The following PLRG1 variants were observed in gnomAD, a reference collection of about 807,000 sequenced individuals.
PLRG1 encodes the protein pleiotropic regulator 1.
Under a neutral mutation model 74.9 loss-of-function variants are expected in PLRG1, and 28 were observed. The observed-to-expected ratio is 0.37, with a 90% CI of 0.28 to 0.51. PLRG1 has a LOEUF of 0.51. Among genes scored for constraint, PLRG1 ranks in the 20% least tolerant of loss-of-function variants. PLRG1 has a pLI of 0.91. For missense variants in PLRG1, 445 were observed against 631.9 expected, an observed-to-expected ratio of 0.70 and a Z score of 3.17; for synonymous variants, 197 against 212.4, an observed-to-expected ratio of 0.93 and a Z score of 0.63.
Position 154,550,390 on chromosome 4 carries a change from C to T in PLRG1, c.-82G>A, listed in dbSNP as rs1729744395. ...ACCCGCCGCCACAGCTGTGCAGCAC[C>T]TTCCGGAATTGGGCGCCCAGGCGGC... is the stretch of plus-strand genomic sequence containing the variant. On this transcript the variant is annotated 5_prime_UTR_variant, in exon 1 of 15. Coordinates refer to ENST00000499023, the MANE Select transcript of PLRG1 (RefSeq NM_002669.4). 1 of 1,392,740 alleles carries T rather than the reference C, an allele frequency of 7.2e-7. No homozygotes were observed. The highest frequency in any genetic ancestry group is 1.4e-5 in the African/African-American group (1 of 69,658). The allele number at this position is 1,392,740 out of a possible 1,614,324, so 86.3% of individuals were successfully genotyped here.
rs143025061 is a variant in PLRG1 at position 154,535,936 on chromosome 4, A to G, written c.*749T>C. 2 of 152,218 alleles carry G rather than the reference A, an allele frequency of 1.3e-5. No individual in the cohort carries two copies. The highest frequency in any genetic ancestry group is 4.8e-5 in the African/African-American group (2 of 41,428). 9.4% of individuals were successfully genotyped at this position (152,218 alleles called of 1,614,324 possible). A position where few individuals can be genotyped will look rare whatever the true frequency, so the allele number is the denominator to read the frequency against. On this transcript the variant is annotated 3_prime_UTR_variant, in exon 15 of 15. Transcript: ENST00000499023. ...CAGAACATTCTTTGTCCCAGAACAC[A>G]CCGCACACTTTCTTGTGCCTGGTTT...
chr4:154,537,478 A>G lies in PLRG1; in HGVS notation c.1293T>C (p.Ala431=), dbSNP rs1729472645. The G allele has an allele frequency of 6.2e-7, 1 of 1,612,144 alleles. No homozygotes were observed. Among genetic ancestry groups the G allele is most frequent in the African/African-American group, 1.3e-5 (1 of 74,842 alleles). The change falls in exon 14 of 15, where the codon GCT becomes GCC. Residue 431 remains alanine (A), a splice_region_variant and synonymous_variant. Transcript: ENST00000499023. ...CCCAAAGATGCATGGTGCCATTGTCAGCTTAAAGGGAAAAATCTAGTTACA... is the reference window on the plus strand; with the variant it reads ...CCCAAAGATGCATGGTGCCATTGTCGGCTTAAAGGGAAAAATCTAGTTACA... The part of the protein sequence containing the change: ...VNSDGVLVSG[A]DNGTMHLWDW...
At chr4:154,539,859 G>T in intron 11 of PLRG1, 92 bp downstream of exon 11, 1 of 766,494 alleles carries the variant, frequency 1.3e-6, no homozygotes, top group South Asian at 1.4e-5. Flanking sequence ...ACACAATACA[G>T]AGCAAGAGTC....
chr4:154,538,889 ATT>A, intron 12 of PLRG1: 1 of 480,692 alleles, frequency 2.1e-6, no homozygotes, highest in Non-Finnish European at 3.7e-6. Flanking sequence ...GACATTATTT[ATT>A]TGTTATCAAG....
chr4:154,541,112 T>C (rs1221548820), intron 8 of PLRG1, among the ~76,000 whole-genome samples, 178 bp from the exon 9 acceptor site: 1 of 152,160 alleles, frequency 6.6e-6, no homozygotes, highest in African/African-American at 2.4e-5. Flanking sequence ...AAAACTGGCA[T>C]GCTCAAACTG....
chr4:154,537,256 T>C (rs763761513), intron 14 of PLRG1, 30 bp downstream of exon 14: 42 of 1,474,634 alleles, frequency 2.8e-5, no homozygotes, highest in Non-Finnish European at 3.7e-5. Context: ...ATAGCTGTTT[T>C]ACTTAACGAA....
At chr4:154,545,735 T>G (rs1286704132) in intron 6 of PLRG1, 101 bp downstream of exon 6, 2 of 641,890 alleles carry the variant, frequency 3.1e-6, no homozygotes, top group African/African-American at 3.8e-5. Flanking sequence ...TATGAATGAC[T>G]AGCTCAGGCT....
At chr4:154,548,336 T>C (rs1375966978) in intron 2 of PLRG1, among the ~76,000 whole-genome samples, 2 of 152,212 alleles carry the variant, frequency 1.3e-5, no homozygotes, top group South Asian at 2.1e-4. Flanking sequence ...AAATTAAATA[T>C]AAATGCTTGT....
chr4:154,540,523 A>G, intron 10 of PLRG1, 71 bp downstream of exon 10: 3 of 948,372 alleles, frequency 3.2e-6, no homozygotes, highest in African/African-American at 1.6e-5. Flanking sequence ...AATTGAAGAC[A>G]CTGAAACCGA....
rs1226261143 is a variant in PLRG1 at position 154,535,147 on chromosome 4, CTTATA to C, written c.*1533_*1537del. The C allele has an allele frequency of 6.6e-6, 1 of 151,944 alleles. No individual in the cohort carries two copies. Among genetic ancestry groups the C allele is most frequent in the Non-Finnish European group, 1.5e-5 (1 of 67,982 alleles). 9.4% of individuals were successfully genotyped at this position (151,944 alleles called of 1,614,324 possible). A position where few individuals can be genotyped will look rare whatever the true frequency, so the allele number is the denominator to read the frequency against. Reference sequence around the variant, plus strand: ...AGCCACTGTTAGTAATGTGGTGTTACTTATATTTTAGAGCATCAAGTTGTCCACAA... The same window carrying C: ...AGCCACTGTTAGTAATGTGGTGTTACTTTTAGAGCATCAAGTTGTCCACAA... On this transcript the variant is annotated 3_prime_UTR_variant, in exon 15 of 15. Transcript: ENST00000499023.
chr4:154,545,487 TA>T (rs1729634150), intron 6 of PLRG1, among the ~76,000 whole-genome samples: 1 of 151,440 alleles, frequency 6.6e-6, no homozygotes, highest in South Asian at 2.1e-4. Flanking sequence ...GCACTCAAGA[TA>T]ACTGTACACA....
chr4:154,549,222 C>G, intron 1 of PLRG1: 1 of 397,826 alleles, frequency 2.5e-6, no homozygotes, highest in South Asian at 2.0e-5. Flanking sequence ...TAGAATCTCA[C>G]AATAGAATGA....
At position 154,536,669 on chromosome 4, in the gene PLRG1, A is replaced by G. The variant is rs201170057; in HGVS notation, c.*16T>C. The stretch of plus-strand genomic sequence containing the variant: ...TTAAAAAGAAAAAAAAAGAGAGAGA[A>G]AAAATTCCACATTCATTAAAATCTC... On this transcript the variant is annotated 3_prime_UTR_variant, in exon 15 of 15. Transcript: ENST00000499023. 80 of 1,392,616 alleles carry G rather than the reference A, an allele frequency of 5.7e-5. 1 individual carries two copies. The highest frequency in any genetic ancestry group is 1.1e-4 in the South Asian group (9 of 79,384). 86.3% of individuals were successfully genotyped at this position (1,392,616 alleles called of 1,614,324 possible). A position where few individuals can be genotyped will look rare whatever the true frequency, so the allele number is the denominator to read the frequency against.
intron 9 of PLRG1, 26 bp downstream of exon 9, chr4:154,540,759 T>C (rs1218876315): frequency 6.2e-7 from 1 of 1,611,762 alleles, no homozygotes; most frequent in East Asian, 2.2e-5. Context: ...GTTCACAATG[T>C]TTTAAATCCT....
At chr4:154,541,562 A>G (rs956922214) in intron 8 of PLRG1, among the ~76,000 whole-genome samples, 2 of 152,210 alleles carry the variant, frequency 1.3e-5, no homozygotes, top group African/African-American at 4.8e-5. Flanking sequence ...ATTACTTGTA[A>G]TGGTGAAAAT....
rs573232797 is a variant in PLRG1 at position 154,539,466 on chromosome 4, T to C, written c.1043-253A>G. Among the ~76,000 whole-genome samples, 103 of 152,152 alleles carry C rather than the reference T, an allele frequency of 6.8e-4. 1 individual carries two copies. Among genetic ancestry groups the C allele is most frequent in the African/African-American group, 2.1e-3 (89 of 41,532 alleles). ...AACAAATGCAAATAACAAATAAATA[T>C]ATAATTGTATACCCTAGTGAAAAGG... On this transcript the variant is annotated intron_variant, in intron 11 of 14. Coordinates refer to ENST00000499023, the MANE Select transcript of PLRG1 (RefSeq NM_002669.4).
At position 154,538,108 on chromosome 4, in the gene PLRG1, A is replaced by G; in HGVS notation, c.1152T>C (p.His384=). 7.0e-7 allele frequency: 1 copy of G among 1,428,574 alleles called. No homozygotes were observed. Among genetic ancestry groups the G allele is most frequent in the Non-Finnish European group, 9.5e-7 (1 of 1,047,754 alleles). 88.5% of individuals were successfully genotyped at this position (1,428,574 alleles called of 1,614,324 possible). Residue 384 remains histidine, a splice_region_variant and synonymous_variant, in exon 13 of 15, where the codon CAT becomes CAC. Coordinates refer to ENST00000499023, the MANE Select transcript of PLRG1 (RefSeq NM_002669.4). ...SVRAVVLHPR[H]YTFASGSPDN... is the part of the protein sequence containing the mutation. ...CTGGAGAACCAGATGCAAATGTGTAACTGAAATAATATTAAAAAGAATTAA... is the reference window on the plus strand; with the variant it reads ...CTGGAGAACCAGATGCAAATGTGTAGCTGAAATAATATTAAAAAGAATTAA...
At chr4:154,540,091 G>A (rs765158640) in intron 10 of PLRG1, 38 bp from the exon 11 acceptor site, 1 of 1,057,590 alleles carries the variant, frequency 9.5e-7, no homozygotes, top group Non-Finnish European at 1.5e-6. Context: ...AAAGAGAATA[G>A]GTATTCATTA....
In PLRG1 at chr4:154,538,247, T is replaced by A. The variant is rs1019955874; in HGVS notation, c.1152-139A>T. ...ATTCAGCAAAATAGTCGTATCAAAA[T>A]GTAAAAATATTAAGACATTTGTTCA... is the stretch of plus-strand genomic sequence containing the variant. On this transcript the variant is annotated intron_variant, in intron 12 of 14. Transcript: ENST00000499023. 7.4e-5 allele frequency: 33 copies of A among 445,078 alleles called. 1 individual carries two copies. Among genetic ancestry groups the A allele is most frequent in the African/African-American group, 5.0e-4 (25 of 49,688 alleles). 27.6% of individuals were successfully genotyped at this position (445,078 alleles called of 1,614,324 possible).
Sources: gnomAD v4.1 joint callset for allele counts (sites outside exome capture counted in the v4.1 genomes callset) on GRCh38, gnomAD v4.1.1 for gene constraint, MANE v1.5 for transcripts, NCBI Gene and HGNC (gene_info 2026-07-23, HGNC 2026-07-21) for gene names.